Variants in IL10RB observed in about 807,000 individuals in gnomAD.
The protein encoded by IL10RB is interleukin-10 receptor subunit beta.
Under a neutral mutation model 38.7 loss-of-function variants are expected in IL10RB, and 30 were observed. The observed-to-expected ratio is 0.78, with a 90% CI of 0.58 to 1.05. The LOEUF is 1.05. Ranked by LOEUF, IL10RB falls within the 50% of genes least tolerant of loss-of-function variation. IL10RB has a pLI of 0.00. For synonymous variants in IL10RB, 142 were observed against 145.9 expected, an observed-to-expected ratio of 0.97 and a Z score of 0.19; for missense variants, 328 against 397.1, an observed-to-expected ratio of 0.83 and a Z score of 1.48.
At chr21:33,291,100 A>T (rs1989478101) in intron 6 of IL10RB, among the ~76,000 whole-genome samples, 1 of 151,958 alleles carries the variant, frequency 6.6e-6, no homozygotes, top group South Asian at 2.1e-4. Flanking sequence ...CCTTCTCCCT[A>T]TGTGAGTGTC....
At chr21:33,278,423 T>C (rs757531429) in intron 3 of IL10RB, among the ~76,000 whole-genome samples, 1 of 152,210 alleles carries the variant, frequency 6.6e-6, no homozygotes, top group Non-Finnish European at 1.5e-5. Context: ...TATTTTCTAA[T>C]GGTACCTTTA....
intron 6 of IL10RB, among the ~76,000 whole-genome samples, chr21:33,292,541 C>G (rs1989509651): frequency 6.6e-6 from 1 of 152,168 alleles, no homozygotes; most frequent in African/African-American, 2.4e-5. Flanking sequence ...TCAGGACCTA[C>G]TGGGTCTCAG....
chr21:33,300,088 C>T (rs2082981888), downstream of IL10RB, among the ~76,000 whole-genome samples: 1 of 152,092 alleles, frequency 6.6e-6, no homozygotes, highest in African/African-American at 2.4e-5. Flanking sequence ...TTTCTTTGTG[C>T]CTAATAAGAT....
intron 6 of IL10RB, among the ~76,000 whole-genome samples, chr21:33,294,390 C>CGT (rs34889428): frequency 0.54 from 79,827 of 148,858 alleles, 22,171 homozygotes; most frequent in African/African-American, 0.73. Context: ...TGTGTGTGTG[C>CGT]GTGTGTGTGT....
Position 33,270,373 on chromosome 21 carries a change from T to G in IL10RB, c.173+1856T>G, listed in dbSNP as rs13050424. On this transcript the variant is annotated intron_variant, in intron 2 of 6. Transcript: ENST00000290200. ...TCTGTGCTGTGCTTTTGGGTTTGTT[T>G]GTTTGTTTTTCTTTTTTTTTTTTTT... 5.4e-3 allele frequency among the ~76,000 whole-genome samples: 826 copies of G among 152,126 alleles called. 5 individuals carry two copies. The highest frequency in any genetic ancestry group is 0.01 in the Non-Finnish European group (707 of 67,994).
intron 1 of IL10RB, among the ~76,000 whole-genome samples, chr21:33,303,350 C>CTTTTTTT (rs11340111): frequency 3.6e-5 from 4 of 109,970 alleles, no homozygotes; most frequent in Non-Finnish European, 5.4e-5. Context: ...CTGTTACTTT[C>CTTTTTTT]TTTTTTTTTT....
chr21:33,302,385 A>G (rs1371661148), intron 1 of IL10RB, among the ~76,000 whole-genome samples: 1 of 152,252 alleles, frequency 6.6e-6, no homozygotes, highest in Admixed American at 6.5e-5. Flanking sequence ...GGGAGTGCCA[A>G]GGCTGGGCCC....
chr21:33,280,267 C>T (rs531873906), intron 4 of IL10RB, among the ~76,000 whole-genome samples: 1 of 152,320 alleles, frequency 6.6e-6, no homozygotes, highest in South Asian at 2.1e-4. Context: ...GTCCCACACA[C>T]ACCGCAAATC....
At chr21:33,282,467 G>A (rs562034601) in intron 4 of IL10RB, among the ~76,000 whole-genome samples, 116 of 152,292 alleles carry the variant, frequency 7.6e-4, no homozygotes, top group African/African-American at 2.7e-3. Flanking sequence ...GCCTGGCAAC[G>A]GAGGTTGCAG....
At chr21:33,291,277 T>A (rs1244393712) in intron 6 of IL10RB, among the ~76,000 whole-genome samples, 3 of 151,818 alleles carry the variant, frequency 2.0e-5, no homozygotes, top group African/African-American at 7.3e-5. Context: ...AATTTCTTTT[T>A]TTTTTGGAGA....
At chr21:33,286,951 T>C (rs1441957331) in intron 5 of IL10RB, among the ~76,000 whole-genome samples, 1 of 151,850 alleles carries the variant, frequency 6.6e-6, no homozygotes, top group East Asian at 1.9e-4. Context: ...TTAAATCAGC[T>C]AAGGGGATGG....
intron 1 of IL10RB, among the ~76,000 whole-genome samples, chr21:33,304,661 C>T (rs1195755741): frequency 6.6e-6 from 1 of 152,166 alleles, no homozygotes. Flanking sequence ...TTCCCCAGCT[C>T]CCAAGTATAC....
chr21:33,285,677 A>G (rs527834693), intron 5 of IL10RB, among the ~76,000 whole-genome samples: 1 of 152,286 alleles, frequency 6.6e-6, no homozygotes, highest in Non-Finnish European at 1.5e-5. Flanking sequence ...TCATTACCCA[A>G]AATAAAATAA....
chr21:33,270,231 T>C (rs895527858), intron 2 of IL10RB, among the ~76,000 whole-genome samples: 9 of 152,206 alleles, frequency 5.9e-5, no homozygotes, highest in Admixed American at 2.6e-4. Flanking sequence ...CTAGTACTGA[T>C]TGGCTTTATC....
chr21:33,267,437 A>G (rs1224815400), intron 1 of IL10RB, among the ~76,000 whole-genome samples: 1 of 139,326 alleles, frequency 7.2e-6, no homozygotes, highest in East Asian at 2.1e-4. Context: ...CTACTTTTCT[A>G]CTTGCATGTA....
chr21:33,292,199 C>T (rs1451099279), intron 6 of IL10RB, among the ~76,000 whole-genome samples: 5 of 152,220 alleles, frequency 3.3e-5, no homozygotes, highest in Non-Finnish European at 4.4e-5. Context: ...TAACCCCTGC[C>T]TGGGATCCCA....
At chr21:33,307,486 C>A (rs928933886) in intron 1 of IL10RB, among the ~76,000 whole-genome samples, 8 of 152,196 alleles carry the variant, frequency 5.3e-5, no homozygotes, top group African/African-American at 1.9e-4. Context: ...ATGCTTCTGT[C>A]TGTGAGTTCC....
chr21:33,274,703 A>T (rs1236875710), intron 2 of IL10RB, among the ~76,000 whole-genome samples: 1 of 152,232 alleles, frequency 6.6e-6, no homozygotes, highest in Non-Finnish European at 1.5e-5. Context: ...AATATTCAGT[A>T]AACCATGCTG....
rs749582103 is a variant in IL10RB, at chr21:33,294,040, C to T, written c.805-2144C>T. 3.2e-5 allele frequency: 15 copies of T among 470,990 alleles called. No homozygotes were observed. In the East Asian group the frequency reaches 3.5e-4, roughly 11 times the overall value. The allele number at this position is 470,990 out of a possible 1,614,324, so 29.2% of individuals were successfully genotyped here. A position where few individuals can be genotyped will look rare whatever the true frequency, so the allele number is the denominator to read the frequency against. On this transcript the variant is annotated intron_variant, in intron 6 of 6. Coordinates refer to ENST00000290200, the MANE Select transcript of IL10RB (RefSeq NM_000628.5). ...AACTGGTCAGACAGGAAAGAACAGA[C>T]GGAATGAACGGTAGAGGGGCCTGCT...
Sources: allele counts gnomAD v4.1 joint callset (sites outside exome capture counted in the v4.1 genomes callset), GRCh38; gene constraint gnomAD v4.1.1; transcripts MANE v1.5; gene names NCBI Gene and HGNC (gene_info 2026-07-23, HGNC 2026-07-21).